Variants in COL23A1 observed in about 807,000 individuals in gnomAD.
The protein encoded by COL23A1 is collagen type XXIII alpha 1 chain.
In COL23A1, 97 loss-of-function variants were observed where a neutral mutation model predicts 99.3. That is an observed-to-expected ratio of 0.98 (90% confidence interval 0.83 to 1.16). The LOEUF (loss-of-function observed/expected upper bound fraction) is 1.16, where lower values mean the gene tolerates loss of function less well. Ranked by LOEUF, COL23A1 falls within the 50% of genes most tolerant of loss-of-function variation. The pLI, the probability that COL23A1 is intolerant of heterozygous loss-of-function variation, is 0.00. For missense variants in COL23A1, 762 were observed against 757.4 expected (o/e 1.01, Z -0.07); for synonymous variants, 320 against 308.2 (o/e 1.04, Z -0.40).
intron 2 of COL23A1, among the ~76,000 whole-genome samples, chr5:178,324,896 G>A (rs1199690564): frequency 6.6e-6 from 1 of 152,140 alleles, no homozygotes; most frequent in Non-Finnish European, 1.5e-5. Context: ...CACAGTTCCT[G>A]CCCACCCCTC....
At chr5:178,323,927 T>C (rs1759491001) in intron 2 of COL23A1, among the ~76,000 whole-genome samples, 1 of 152,122 alleles carries the variant, frequency 6.6e-6, no homozygotes, top group Non-Finnish European at 1.5e-5. Context: ...GAACAGCTGG[T>C]ATGTGGCAGA....
chr5:178,355,482 G>A (rs181272107), intron 2 of COL23A1, among the ~76,000 whole-genome samples: 10 of 152,220 alleles, frequency 6.6e-5, no homozygotes, highest in Admixed American at 2.6e-4. Flanking sequence ...GTCTGTTCTC[G>A]CATTGCTATA....
At chr5:178,406,428 C>CTTTTTTTTTTTTT (rs61274419) in intron 2 of COL23A1, among the ~76,000 whole-genome samples, 2 of 142,040 alleles carry the variant, frequency 1.4e-5, no homozygotes, top group Non-Finnish European at 1.5e-5. Flanking sequence ...TACCTACACT[C>CTTTTTTTTTTTTT]TTTTTTTTTT....
At chr5:178,269,287 TCATCCATC>T (rs375433031) in intron 6 of COL23A1, among the ~76,000 whole-genome samples, 1,455 of 140,128 alleles carry the variant, frequency 0.01, 30 homozygotes, top group African/African-American at 0.036. Flanking sequence ...CCTGTATGAG[TCATCCATC>T]CATCCATCCA....
At chr5:178,547,511 CCACACCCA>C (rs1161158153) in intron 2 of COL23A1, among the ~76,000 whole-genome samples, 9 of 112,948 alleles carry the variant, frequency 8.0e-5, no homozygotes, top group African/African-American at 2.4e-4. Context: ...ATACACACCC[CCACACCCA>C]CACACTCACA....
intron 2 of COL23A1, among the ~76,000 whole-genome samples, chr5:178,381,276 G>A (rs1763368183): frequency 6.6e-6 from 1 of 152,218 alleles, no homozygotes; most frequent in African/African-American, 2.4e-5. Flanking sequence ...CAGGATGTAG[G>A]GAAGTGTGGA....
intron 2 of COL23A1, among the ~76,000 whole-genome samples, chr5:178,510,783 T>C (rs1029874727): frequency 3.3e-5 from 5 of 152,074 alleles, no homozygotes; most frequent in African/African-American, 1.2e-4. Context: ...TCCTGAAACT[T>C]TGTAACTTAA....
chr5:178,513,603 G>A (rs1759337018), intron 2 of COL23A1, among the ~76,000 whole-genome samples: 1 of 152,066 alleles, frequency 6.6e-6, no homozygotes, highest in Non-Finnish European at 1.5e-5. Context: ...AGTTCCTGTG[G>A]GTGTAGGACT....
At chr5:178,256,978 G>C in intron 13 of COL23A1, 50 bp from the exon 14 acceptor site, 1 of 1,576,160 alleles carries the variant, frequency 6.3e-7, no homozygotes, top group South Asian at 1.1e-5. Flanking sequence ...GGCACGTGGC[G>C]GGTGCCTTGG....
intron 2 of COL23A1, among the ~76,000 whole-genome samples, chr5:178,349,082 C>G (rs922612328): frequency 6.6e-6 from 1 of 152,114 alleles, no homozygotes; most frequent in Non-Finnish European, 1.5e-5. Flanking sequence ...TCGGTAGAGC[C>G]GACGAGGGCT....
chr5:178,257,428 G>C (rs1219282231), intron 13 of COL23A1, 95 bp downstream of exon 13: 3 of 1,414,900 alleles, frequency 2.1e-6, no homozygotes. Flanking sequence ...CTAGGAACCC[G>C]TGGTGCCAAA....
chr5:178,281,307 C>T lies in COL23A1; in HGVS notation c.441+7017G>A, dbSNP rs554355300. Among the ~76,000 whole-genome samples, 53 of 152,146 alleles carry T rather than the reference C, an allele frequency of 3.5e-4. No individual in the cohort carries two copies. Among genetic ancestry groups the T allele is most frequent in the Middle Eastern group, 3.4e-3 (1 of 292 alleles). On this transcript the variant is annotated intron_variant, in intron 5 of 28. Transcript: ENST00000390654. This position sits in a 1 kb window ranked among gnomAD's most constrained non-coding sequence, Gnocchi z 4.0. ...GAGTGCAAGAGAGCGTGTGAACGTG[C>T]GGTGCTCCATGGGCCTTTCTTGTTC...
chr5:178,278,588 T>A (rs1403055193), intron 5 of COL23A1, among the ~76,000 whole-genome samples: 2 of 152,174 alleles, frequency 1.3e-5, no homozygotes, highest in East Asian at 3.9e-4. Flanking sequence ...GCTGCAAGCG[T>A]CAGTGAGCCC....
chr5:178,261,633 T>TG, intron 11 of COL23A1, 89 bp downstream of exon 11: 2 of 840,418 alleles, frequency 2.4e-6, no homozygotes, highest in Non-Finnish European at 2.0e-6. Flanking sequence ...TCACTAGGGG[T>TG]GGGGGGAAGA....
chr5:178,250,340 G>A (rs1466303091), intron 17 of COL23A1, among the ~76,000 whole-genome samples: 1 of 152,230 alleles, frequency 6.6e-6, no homozygotes, highest in African/African-American at 2.4e-5. Context: ...GAGGCTTGGA[G>A]GGTTAAGTGA....
At chr5:178,475,544 C>T (rs181253386) in intron 2 of COL23A1, among the ~76,000 whole-genome samples, 73 of 152,308 alleles carry the variant, frequency 4.8e-4, no homozygotes, top group African/African-American at 1.7e-3. Flanking sequence ...AATTTGTTTG[C>T]GGCAATATAA....
At chr5:178,460,391 G>A (rs1171056334) in intron 2 of COL23A1, among the ~76,000 whole-genome samples, 2 of 152,112 alleles carry the variant, frequency 1.3e-5, no homozygotes, top group Admixed American at 6.5e-5. Flanking sequence ...TCTAGCCACC[G>A]AGACAGGGCA....
intron 2 of COL23A1, chr5:178,352,332 AT>A (rs1354678916): frequency 6.6e-6 from 1 of 152,230 alleles, no homozygotes; most frequent in Non-Finnish European, 1.5e-5. Flanking sequence ...CACTTTTGAA[AT>A]TTGCAAGATG....
At chr5:178,369,274 C>G (rs762249125) in intron 2 of COL23A1, among the ~76,000 whole-genome samples, 4 of 152,084 alleles carry the variant, frequency 2.6e-5, no homozygotes, top group Non-Finnish European at 5.9e-5. Flanking sequence ...AGTGTTCCCC[C>G]CCACACCACC....
Sources: gnomAD v4.1 joint callset for allele counts (sites outside exome capture counted in the v4.1 genomes callset) on GRCh38, gnomAD v4.1.1 for gene constraint, Gnocchi (gnomAD v3.1) non-coding constraint, MANE v1.5 for transcripts, NCBI Gene and HGNC (gene_info 2026-07-23, HGNC 2026-07-21) for gene names.